The following RAPGEF5 variants were observed in gnomAD, a reference collection of about 807,000 sequenced individuals.
RAPGEF5 encodes the protein M-Ras-regulated GEF.
RAPGEF5 carries 65 observed loss-of-function variants against 125.2 expected under a neutral mutation model. The observed-to-expected ratio is 0.52, with a 90% CI of 0.43 to 0.64. The LOEUF (loss-of-function observed/expected upper bound fraction) is 0.64. Ranked by LOEUF, RAPGEF5 falls within the 30% of genes least tolerant of loss-of-function variation. The probability of loss-of-function intolerance (pLI) is 0.00; values close to 1 mark genes in which losing one functional copy is unlikely to be tolerated. For missense variants in RAPGEF5, 958 were observed against 1,048.1 expected (o/e 0.91, Z 1.19); for synonymous variants, 391 against 385.9 (o/e 1.01, Z -0.16).
chr7:22,314,057 T>C (rs1174695060), intron 3 of RAPGEF5, among the ~76,000 whole-genome samples: 1 of 152,222 alleles, frequency 6.6e-6, no homozygotes, highest in African/African-American at 2.4e-5. Context: ...GTCTAGCCTA[T>C]GGCATATTTT....
At chr7:22,186,143 T>C (rs1402066363) in intron 11 of RAPGEF5, among the ~76,000 whole-genome samples, 1 of 152,178 alleles carries the variant, frequency 6.6e-6, no homozygotes, top group Non-Finnish European at 1.5e-5. Flanking sequence ...AAAGACTAAG[T>C]AGCAGCCCAG....
At chr7:22,236,572 C>T (rs1371907952) in intron 7 of RAPGEF5, among the ~76,000 whole-genome samples, 2 of 152,198 alleles carry the variant, frequency 1.3e-5, no homozygotes, top group Non-Finnish European at 2.9e-5. Context: ...GGTCCTCCTT[C>T]CCCTGAGCCT....
intron 9 of RAPGEF5, among the ~76,000 whole-genome samples, chr7:22,219,098 G>C (rs1785713957): frequency 6.6e-6 from 1 of 152,136 alleles, no homozygotes; most frequent in African/African-American, 2.4e-5. Context: ...TATAAGCGCA[G>C]AGGAATTTTC....
At position 22,118,472 on chromosome 7, in the gene RAPGEF5, C is replaced by T. The variant is rs916826372; in HGVS notation, c.*3934G>A. 2 of 152,442 alleles carry T rather than the reference C, an allele frequency of 1.3e-5. No individual in the cohort carries two copies. Among genetic ancestry groups the T allele is most frequent in the East Asian group, 1.9e-4 (1 of 5,196 alleles). 9.4% of individuals were successfully genotyped at this position (152,442 alleles called of 1,614,324 possible). On this transcript the variant is annotated 3_prime_UTR_variant, in exon 26 of 26. Transcript: ENST00000665637. Reference sequence around the variant, plus strand: ...GATAAATACACAGCACAGTCATATACATATATATTATATATATACACAGAG... The same window carrying T: ...GATAAATACACAGCACAGTCATATATATATATATTATATATATACACAGAG...
chr7:22,313,308 A>T (rs193227752), intron 3 of RAPGEF5, among the ~76,000 whole-genome samples: 2 of 152,222 alleles, frequency 1.3e-5, no homozygotes, highest in Admixed American at 6.5e-5. Flanking sequence ...CGTCTCAGAA[A>T]CCAGTGTGAT....
chr7:22,331,262 T>G (rs1783911036), intron 1 of RAPGEF5, among the ~76,000 whole-genome samples: 1 of 152,226 alleles, frequency 6.6e-6, no homozygotes, highest in South Asian at 2.1e-4. Flanking sequence ...AAGCAGTTCC[T>G]AAGCTGGACT....
chr7:22,159,400 GT>G (rs1783912665), intron 14 of RAPGEF5, among the ~76,000 whole-genome samples: 1 of 152,194 alleles, frequency 6.6e-6, no homozygotes, highest in Non-Finnish European at 1.5e-5. Context: ...CTAAAATTAA[GT>G]CAAGCTTTAA....
At chr7:22,346,628 G>A (rs1327327328) in intron 1 of RAPGEF5, among the ~76,000 whole-genome samples, 1 of 152,138 alleles carries the variant, frequency 6.6e-6, no homozygotes, top group Non-Finnish European at 1.5e-5. Flanking sequence ...ACAGCTGCAG[G>A]TAAATGATTT....
intron 8 of RAPGEF5, among the ~76,000 whole-genome samples, chr7:22,229,821 T>C (rs763048827): frequency 1.3e-5 from 2 of 152,220 alleles, no homozygotes; most frequent in Admixed American, 6.5e-5. Context: ...AATGATGCCA[T>C]GCTGCCCAGT....
Position 22,230,863 on chromosome 7 carries a change from T to G in RAPGEF5, c.853A>C (p.Ser285Arg). 6.4e-7 allele frequency: 1 copy of G among 1,566,752 alleles called. No homozygotes were observed. Among genetic ancestry groups the G allele is most frequent in the Non-Finnish European group, 8.7e-7 (1 of 1,153,640 alleles). ...DKHVAVTEAE[S>R]VPDSQAGVMC... is the part of the protein sequence containing the mutation. Reference sequence around the variant, plus strand: ...GATCATACCTGAGAATCTGGAACACTTTCGGCTTCTGTTACAGCTACATGT... The same window carrying G: ...GATCATACCTGAGAATCTGGAACACGTTCGGCTTCTGTTACAGCTACATGT... Residue 285 changes from serine (S) to arginine (R), a missense_variant, in exon 8 of 26, where the codon AGT becomes CGT. Physicochemically the swap from Ser to Arg is moderately radical, Grantham distance 110. Transcript: ENST00000665637.
At chr7:22,272,338 G>A (rs1450606352) in intron 6 of RAPGEF5, among the ~76,000 whole-genome samples, 7 of 102,542 alleles carry the variant, frequency 6.8e-5, no homozygotes, top group Admixed American at 1.4e-4. Flanking sequence ...GCAAGACTCC[G>A]TCTCAAAAAA....
intron 1 of RAPGEF5, among the ~76,000 whole-genome samples, chr7:22,336,449 G>A (rs1784028269): frequency 6.6e-6 from 1 of 152,208 alleles, no homozygotes; most frequent in Admixed American, 6.5e-5. Context: ...CCTACTGGGA[G>A]AAGACTGAAC....
intron 24 of RAPGEF5, among the ~76,000 whole-genome samples, chr7:22,127,788 A>T (rs752590272): frequency 1.3e-5 from 2 of 152,360 alleles, no homozygotes; most frequent in Non-Finnish European, 2.9e-5. Context: ...ATTAAACACT[A>T]AAATATGTTC....
chr7:22,317,687 T>C (rs1783631056), intron 2 of RAPGEF5, among the ~76,000 whole-genome samples: 1 of 152,250 alleles, frequency 6.6e-6, no homozygotes, highest in South Asian at 2.1e-4. Context: ...ATTATATTTA[T>C]ATCGTATTTA....
intron 7 of RAPGEF5, among the ~76,000 whole-genome samples, chr7:22,258,804 A>G (rs1782073363): frequency 6.6e-6 from 1 of 152,044 alleles, no homozygotes; most frequent in Non-Finnish European, 1.5e-5. Flanking sequence ...CCACATGCAA[A>G]AGATAAAATA....
intron 7 of RAPGEF5, among the ~76,000 whole-genome samples, chr7:22,242,037 A>G (rs890302264): frequency 6.6e-5 from 10 of 152,130 alleles, no homozygotes; most frequent in Non-Finnish European, 1.3e-4. Flanking sequence ...CTGTCCCCAT[A>G]TTGCATCAAG....
chr7:22,274,619 T>A (rs1782514440), intron 6 of RAPGEF5, among the ~76,000 whole-genome samples: 1 of 152,172 alleles, frequency 6.6e-6, no homozygotes, highest in Non-Finnish European at 1.5e-5. Flanking sequence ...AGTGAGCCAC[T>A]GAACCTAGAC....
chr7:22,260,612 A>G (rs1026696017), intron 7 of RAPGEF5, among the ~76,000 whole-genome samples: 3 of 152,050 alleles, frequency 2.0e-5, no homozygotes, highest in African/African-American at 7.2e-5. Flanking sequence ...AAAATACATC[A>G]AACAAAAATG....
chr7:22,277,421 T>C (rs1782581913), intron 6 of RAPGEF5, among the ~76,000 whole-genome samples: 1 of 152,210 alleles, frequency 6.6e-6, no homozygotes, highest in Non-Finnish European at 1.5e-5. Context: ...TTATCACCCA[T>C]TTTACTGCTT....
Sources: gnomAD v4.1 joint callset for allele counts (sites outside exome capture counted in the v4.1 genomes callset) on GRCh38, gnomAD v4.1.1 for gene constraint, MANE v1.5 for transcripts, NCBI Gene and HGNC (gene_info 2026-07-23, HGNC 2026-07-21) for gene names.